APBB2: variants seen among roughly 807,000 people sequenced by gnomAD.
APBB2 encodes the protein amyloid beta precursor protein binding family B member 2, also known as Fe65-like 1.
Under a neutral mutation model 82.5 loss-of-function variants are expected in APBB2, and 38 were observed. That is an observed-to-expected ratio of 0.46 (90% CI 0.36 to 0.60). The LOEUF (loss-of-function observed/expected upper bound fraction) is 0.60, where lower values mean the gene tolerates loss of function less well. Ranked by LOEUF, APBB2 falls within the 20% of genes least tolerant of loss-of-function variation. The pLI, the probability that APBB2 is intolerant of heterozygous loss-of-function variation, is 0.00. For missense variants in APBB2, 772 were observed against 972.3 expected, an observed-to-expected ratio of 0.79 and a Z score of 2.74; for synonymous variants, 341 against 368.2, an observed-to-expected ratio of 0.93 and a Z score of 0.85.
chr4:41,067,547 A>G (rs181833530), intron 3 of APBB2, among the ~76,000 whole-genome samples: 75 of 152,288 alleles, frequency 4.9e-4, no homozygotes, highest in African/African-American at 1.8e-3. Flanking sequence ...CATAGAAAGG[A>G]GCAGAGATTG....
intron 10 of APBB2, among the ~76,000 whole-genome samples, chr4:40,917,043 A>G (rs1406007605): frequency 6.6e-6 from 1 of 152,174 alleles, no homozygotes; most frequent in African/African-American, 2.4e-5. Flanking sequence ...ACTCAGGGTC[A>G]AGTCAGGGCG....
intron 2 of APBB2, among the ~76,000 whole-genome samples, chr4:41,104,298 A>G (rs928069669): frequency 1.3e-5 from 2 of 151,944 alleles, no homozygotes; most frequent in African/African-American, 4.8e-5. Flanking sequence ...AAAAACAGTG[A>G]CTCTTTTAGT....
intron 1 of APBB2, among the ~76,000 whole-genome samples, chr4:41,165,304 T>C (rs1479464348): frequency 1.3e-5 from 2 of 152,112 alleles, no homozygotes; most frequent in African/African-American, 4.8e-5. Context: ...CCAACACAAA[T>C]TGGGCATCTT....
intron 4 of APBB2, among the ~76,000 whole-genome samples, chr4:41,060,733 C>T (rs116104751): frequency 0.021 from 3,191 of 152,230 alleles, 103 homozygotes; most frequent in African/African-American, 0.073. Context: ...GGAAAGAGAA[C>T]GACTCTGCTG....
intron 3 of APBB2, among the ~76,000 whole-genome samples, chr4:41,072,217 A>T (rs1258156700): frequency 1.3e-5 from 2 of 152,182 alleles, no homozygotes; most frequent in African/African-American, 4.8e-5. Flanking sequence ...ATAGAGGGAG[A>T]GGGTGTGAAG....
chr4:40,867,465 G>C (rs568340026), intron 12 of APBB2, among the ~76,000 whole-genome samples: 1 of 152,078 alleles, frequency 6.6e-6, no homozygotes, highest in Non-Finnish European at 1.5e-5. Flanking sequence ...AGGCTCAGAG[G>C]GAATGAGTGA....
chr4:40,955,822 G>A (rs1791490034), intron 6 of APBB2, among the ~76,000 whole-genome samples: 1 of 151,890 alleles, frequency 6.6e-6, no homozygotes, highest in Non-Finnish European at 1.5e-5. Flanking sequence ...CGTTGCCCAG[G>A]CTGAATGCAA....
At chr4:40,820,684 T>TA (rs1747557495) in intron 17 of APBB2, among the ~76,000 whole-genome samples, 1 of 151,720 alleles carries the variant, frequency 6.6e-6, no homozygotes, top group Admixed American at 6.6e-5. Flanking sequence ...AATAAATAAA[T>TA]AATCTAAATA....
intron 12 of APBB2, among the ~76,000 whole-genome samples, chr4:40,839,883 T>C (rs1254682292): frequency 1.3e-5 from 2 of 152,190 alleles, no homozygotes; most frequent in Non-Finnish European, 2.9e-5. Context: ...CAGGGTGGTC[T>C]CGAATTCCTG....
chr4:41,142,773 A>G (rs1054041256), intron 2 of APBB2, among the ~76,000 whole-genome samples: 37 of 152,172 alleles, frequency 2.4e-4, no homozygotes, highest in African/African-American at 8.9e-4. Context: ...GATAGGACAG[A>G]GGAGAGGAAA....
chr4:41,126,361 C>T (rs1376181255), intron 2 of APBB2, among the ~76,000 whole-genome samples: 5 of 151,954 alleles, frequency 3.3e-5, no homozygotes, highest in South Asian at 2.1e-4. Context: ...CCAGTCTGGG[C>T]GACAGAGCAA....
intron 4 of APBB2, among the ~76,000 whole-genome samples, chr4:41,050,833 T>C (rs191374172): frequency 6.0e-4 from 92 of 152,316 alleles, no homozygotes; most frequent in Admixed American, 5.9e-3. Context: ...AGGTATCAGC[T>C]ACTTATCCTG....
chr4:40,944,328 A>G (rs906004975), intron 7 of APBB2, among the ~76,000 whole-genome samples: 1 of 152,230 alleles, frequency 6.6e-6, no homozygotes, highest in Non-Finnish European at 1.5e-5. Flanking sequence ...GCAGAAATTT[A>G]TGCTGTTAAT....
intron 1 of APBB2, among the ~76,000 whole-genome samples, chr4:41,207,374 C>T: frequency 6.6e-6 from 1 of 152,106 alleles, no homozygotes; most frequent in East Asian, 1.9e-4. Flanking sequence ...AATGATACTG[C>T]AGAGGTCTGG....
intron 5 of APBB2, among the ~76,000 whole-genome samples, chr4:41,024,396 G>T (rs1244340172): frequency 5.3e-5 from 8 of 152,178 alleles, no homozygotes; most frequent in Non-Finnish European, 8.8e-5. Context: ...ACAACCTACA[G>T]AATGGGAGAA....
chr4:40,871,838 A>G (rs1022148505), intron 12 of APBB2, among the ~76,000 whole-genome samples: 2 of 152,256 alleles, frequency 1.3e-5, no homozygotes, highest in Non-Finnish European at 2.9e-5. Flanking sequence ...AAGCACACAC[A>G]AGGAAATCTA....
At chr4:40,891,164 G>C (rs1771909116) in intron 11 of APBB2, among the ~76,000 whole-genome samples, 3 of 152,192 alleles carry the variant, frequency 2.0e-5, no homozygotes, top group Admixed American at 6.5e-5. Flanking sequence ...AACTTGCTCA[G>C]GGTCTGACAT....
intron 1 of APBB2, among the ~76,000 whole-genome samples, chr4:41,194,369 T>C: frequency 6.6e-6 from 1 of 152,102 alleles, no homozygotes; most frequent in Admixed American, 6.5e-5. Flanking sequence ...TATACAGATA[T>C]CAGTATAGAT....
intron 17 of APBB2, among the ~76,000 whole-genome samples, chr4:40,818,173 T>G (rs1388389197): frequency 6.6e-6 from 1 of 152,174 alleles, no homozygotes; most frequent in Non-Finnish European, 1.5e-5. Flanking sequence ...ATACGGACCA[T>G]TCAGAGGAGA....
Sources: gnomAD v4.1 joint callset for allele counts (sites outside exome capture counted in the v4.1 genomes callset) on GRCh38, gnomAD v4.1.1 for gene constraint, MANE v1.5 for transcripts, NCBI Gene and HGNC (gene_info 2026-07-23, HGNC 2026-07-21) for gene names.